SNX29: variants seen among roughly 807,000 people sequenced by gnomAD.
SNX29 encodes sorting nexin 29, also known as sorting nexin-29.
SNX29 carries 78 observed loss-of-function variants against 102.1 expected under a neutral mutation model. The ratio of observed to expected loss-of-function variants is 0.76; its 90% CI spans 0.64 to 0.92. SNX29 has a LOEUF of 0.92. SNX29 is among the 40% of genes least tolerant of loss of function. The pLI is 0.00. For missense variants in SNX29, 1,280 were observed against 1,061.7 expected (o/e 1.21, Z -2.86); for synonymous variants, 580 against 414.5 (o/e 1.40, Z -4.85).
chr16:12,028,688 AT>A lies in SNX29; in HGVS notation c.247+1246del, dbSNP rs926704376. Among the ~76,000 whole-genome samples the A allele has an allele frequency of 1.6e-4, 24 of 151,976 alleles. 1 individual carries two copies. Among genetic ancestry groups the A allele is most frequent in the Admixed American group, 6.6e-4 (10 of 15,260 alleles). On this transcript the variant is annotated intron_variant, in intron 4 of 20. Transcript: ENST00000566228. Reference sequence around the variant, plus strand: ...TCCAACAGTTCTTTTTTTTAAAAAAATTATTATTAAAATTATTTTATTGGTA... The same window carrying A: ...TCCAACAGTTCTTTTTTTTAAAAAAATATTATTAAAATTATTTTATTGGTA...
At chr16:12,087,604 T>C (rs1319424205) in intron 11 of SNX29, 1 of 344,704 alleles carries the variant, frequency 2.9e-6, no homozygotes, top group African/African-American at 2.1e-5. Context: ...TCTTAAACAT[T>C]TAAGGTAATG....
intron 19 of SNX29, among the ~76,000 whole-genome samples, chr16:12,503,132 C>T (rs1273369790): frequency 6.6e-6 from 1 of 151,544 alleles, no homozygotes; most frequent in Non-Finnish European, 1.5e-5. Flanking sequence ...GTCGCCTCAA[C>T]TGCACACCCC....
chr16:12,023,126 A>G (rs1448920953), intron 3 of SNX29, among the ~76,000 whole-genome samples: 1 of 151,858 alleles, frequency 6.6e-6, no homozygotes, highest in East Asian at 1.9e-4. Flanking sequence ...CGAACTCCTG[A>G]CCTCAAGTGA....
At chr16:12,034,427 C>G (rs1181491431) in intron 4 of SNX29, among the ~76,000 whole-genome samples, 1 of 152,108 alleles carries the variant, frequency 6.6e-6, no homozygotes, top group East Asian at 1.9e-4. Context: ...ATGCAGAGCT[C>G]CATTCAAGGT....
chr16:12,503,140 C>G (rs1567629322), intron 19 of SNX29, among the ~76,000 whole-genome samples: 1 of 152,154 alleles, frequency 6.6e-6, no homozygotes, highest in African/African-American at 2.4e-5. Context: ...AACTGCACAC[C>G]CCCCTGCCCA....
intron 19 of SNX29, among the ~76,000 whole-genome samples, chr16:12,513,594 T>C (rs1410110189): frequency 6.6e-6 from 1 of 152,188 alleles, no homozygotes; most frequent in African/African-American, 2.4e-5. Context: ...GCAGGACCTG[T>C]TCCAGCCTCT....
intron 19 of SNX29, among the ~76,000 whole-genome samples, chr16:12,505,746 T>A (rs1370514255): frequency 3.3e-5 from 4 of 122,004 alleles, no homozygotes; most frequent in Non-Finnish European, 6.5e-5. Context: ...AATTTTTGGA[T>A]CACCTTGTCA....
At chr16:12,393,424 T>G (rs999358144) in intron 16 of SNX29, among the ~76,000 whole-genome samples, 2 of 145,534 alleles carry the variant, frequency 1.4e-5, no homozygotes, top group Admixed American at 6.7e-5. Flanking sequence ...ATTCATTCAT[T>G]CATTCATTCA....
chr16:12,140,930 T>TA, intron 13 of SNX29, among the ~76,000 whole-genome samples: 1 of 152,338 alleles, frequency 6.6e-6, no homozygotes, highest in African/African-American at 2.4e-5. Flanking sequence ...CTTATACAAG[T>TA]AATTTAAAAA....
At chr16:12,053,629 T>C (rs2050398014) in intron 8 of SNX29, among the ~76,000 whole-genome samples, 1 of 152,080 alleles carries the variant, frequency 6.6e-6, no homozygotes, top group Non-Finnish European at 1.5e-5. Context: ...CCCTTAGCCC[T>C]AAGATTTTTG....
At chr16:12,479,715 C>A (rs2151826600) in intron 19 of SNX29, among the ~76,000 whole-genome samples, 1 of 152,328 alleles carries the variant, frequency 6.6e-6, no homozygotes, top group Non-Finnish European at 1.5e-5. Flanking sequence ...TAAAATGTCA[C>A]AAAACAACAT....
At chr16:12,077,528 T>C (rs1465258689) in intron 10 of SNX29, among the ~76,000 whole-genome samples, 1 of 152,116 alleles carries the variant, frequency 6.6e-6, no homozygotes, top group South Asian at 2.1e-4. Context: ...TTGATTCTTA[T>C]TATTCCCAGT....
intron 20 of SNX29, among the ~76,000 whole-genome samples, chr16:12,554,113 C>T (rs894546261): frequency 2.0e-5 from 3 of 152,240 alleles, no homozygotes; most frequent in Non-Finnish European, 2.9e-5. Flanking sequence ...CAGGTCTAAG[C>T]CACCATGCCC....
At chr16:12,417,052 G>A (rs2084665249) in intron 18 of SNX29, among the ~76,000 whole-genome samples, 1 of 152,240 alleles carries the variant, frequency 6.6e-6, no homozygotes, top group Non-Finnish European at 1.5e-5. Context: ...CTTGAGTAAG[G>A]GGAAGGGCCT....
chr16:12,279,861 G>T (rs1476175751), intron 15 of SNX29, among the ~76,000 whole-genome samples: 1 of 152,230 alleles, frequency 6.6e-6, no homozygotes, highest in East Asian at 1.9e-4. Context: ...TGAAAGTGCA[G>T]GATGAAAGGT....
At chr16:12,068,685 C>T (rs922953207) in intron 9 of SNX29, among the ~76,000 whole-genome samples, 13 of 152,152 alleles carry the variant, frequency 8.5e-5, no homozygotes, top group African/African-American at 2.7e-4. Flanking sequence ...GTTGGGATTA[C>T]AGTCGTGCAC....
chr16:12,472,691 T>C (rs1038210750), intron 18 of SNX29, among the ~76,000 whole-genome samples: 4 of 152,172 alleles, frequency 2.6e-5, no homozygotes, highest in Non-Finnish European at 4.4e-5. Flanking sequence ...AAGCGTCTCC[T>C]TGAGACCTTA....
intron 20 of SNX29, among the ~76,000 whole-genome samples, chr16:12,534,788 A>G (rs1401857781): frequency 6.6e-6 from 1 of 152,134 alleles, no homozygotes; most frequent in Non-Finnish European, 1.5e-5. Context: ...GTTTTTAACT[A>G]AGGGCAATTT....
At chr16:12,260,634 G>A (rs1292736518) in intron 14 of SNX29, among the ~76,000 whole-genome samples, 1 of 152,026 alleles carries the variant, frequency 6.6e-6, no homozygotes, top group Non-Finnish European at 1.5e-5. Context: ...TTGCTCTCCA[G>A]GGCTTTCTTA....
Sources: gnomAD v4.1 joint callset for allele counts (sites outside exome capture counted in the v4.1 genomes callset) on GRCh38, gnomAD v4.1.1 for gene constraint, MANE v1.5 for transcripts, NCBI Gene and HGNC (gene_info 2026-07-23, HGNC 2026-07-21) for gene names.